The following PAX2 variants were observed in gnomAD, a reference collection of about 807,000 sequenced individuals.
The protein encoded by PAX2 is paired box 2.
Under a neutral mutation model 41.7 loss-of-function variants are expected in PAX2, and 9 were observed. The ratio of observed to expected loss-of-function variants is 0.22; its 90% CI spans 0.13 to 0.38. The LOEUF is 0.38. PAX2 is among the 10% of genes least tolerant of loss of function. PAX2 has a pLI of 1.00. For missense variants in PAX2, 418 were observed against 531.6 expected (o/e 0.79, Z 2.10); for synonymous variants, 221 against 212.7 (o/e 1.04, Z -0.34).
intron 5 of PAX2, among the ~76,000 whole-genome samples, chr10:100,782,784 G>A (rs1388902588): frequency 6.6e-6 from 1 of 152,276 alleles, no homozygotes; most frequent in Non-Finnish European, 1.5e-5. Context: ...TGATGGGCAG[G>A]GGGAGGTTGT....
At position 100,750,679 on chromosome 10, in the gene PAX2, G is replaced by GCTTTCCC; in HGVS notation, c.213-14_213-8dup. 1 of 1,613,352 alleles carries GCTTTCCC rather than the reference G, an allele frequency of 6.2e-7. No homozygotes were observed. Among genetic ancestry groups the GCTTTCCC allele is most frequent in the Non-Finnish European group, 8.5e-7 (1 of 1,179,436 alleles). ...AGTCCGCTTCTGGCTGACCCCGCCGGCTTTCCCGGCGCAGGTACTACGAGA... is the reference window on the plus strand; with the variant it reads ...AGTCCGCTTCTGGCTGACCCCGCCGGCTTTCCCCTTTCCCGGCGCAGGTACTACGAGA... On this transcript the variant is annotated splice_polypyrimidine_tract_variant and intron_variant, in intron 2 of 9. Coordinates refer to ENST00000355243, the MANE Select transcript of PAX2 (RefSeq NM_000278.5). This position sits in a 1 kb window ranked among gnomAD's most constrained non-coding sequence, Gnocchi z 4.1.
intron 1 of PAX2, 40 bp from the exon 2 acceptor site, chr10:100,749,706 T>A: frequency 6.3e-7 from 1 of 1,594,270 alleles, no homozygotes; most frequent in Non-Finnish European, 8.6e-7. Context: ...CGGTCCCTGC[T>A]GTGTGTGGGG....
intron 6 of PAX2, among the ~76,000 whole-genome samples, chr10:100,806,836 T>C (rs1402771223): frequency 6.6e-6 from 1 of 152,196 alleles, no homozygotes; most frequent in Non-Finnish European, 1.5e-5. Context: ...TGCAAGAGTA[T>C]GGCCTTGGGT....
chr10:100,827,743 C>T lies in PAX2; in HGVS notation c.*124C>T, dbSNP rs541598241. The T allele has an allele frequency of 1.2e-5, 19 of 1,529,522 alleles. No individual in the cohort carries two copies. In the East Asian group the frequency reaches 4.3e-4, roughly 35 times the overall value. 94.7% of individuals were successfully genotyped at this position (1,529,522 alleles called of 1,614,324 possible). A position where few individuals can be genotyped will look rare whatever the true frequency, so the allele number is the denominator to read the frequency against. ...CGATGCCTCCCGGCCACCGCCCCAGCCTCACCCCATCCCACGACCCCCGCA... is the reference window on the plus strand; with the variant it reads ...CGATGCCTCCCGGCCACCGCCCCAGTCTCACCCCATCCCACGACCCCCGCA... On this transcript the variant is annotated 3_prime_UTR_variant, in exon 10 of 10. Transcript: ENST00000355243. The surrounding 1 kb of genome is among the most constrained non-coding windows in gnomAD (Gnocchi z 8.5).
At chr10:100,745,520 G>A (rs1845120120), upstream of PAX2, among the ~76,000 whole-genome samples, 1 of 152,170 alleles carries the variant, frequency 6.6e-6, no homozygotes, top group East Asian at 1.9e-4. Context: ...GCGGGGAGGG[G>A]GAGGAGGTCT....
intron 3 of PAX2, 123 bp from the exon 4 acceptor site, chr10:100,779,375 G>A: frequency 1.2e-6 from 1 of 834,256 alleles, no homozygotes; most frequent in Non-Finnish European, 2.0e-6. Context: ...AGGGACACAG[G>A]GAGCAGATGG....
intron 3 of PAX2, among the ~76,000 whole-genome samples, chr10:100,762,873 A>G (rs1180043441): frequency 1.3e-5 from 2 of 152,216 alleles, no homozygotes; most frequent in Non-Finnish European, 2.9e-5. Flanking sequence ...CAGAGGGTGG[A>G]TTGGTCGCAC....
At chr10:100,752,347 G>A (rs1468948783) in intron 3 of PAX2, among the ~76,000 whole-genome samples, 2 of 152,240 alleles carry the variant, frequency 1.3e-5, no homozygotes, top group African/African-American at 2.4e-5. Flanking sequence ...GGAGAAAGAC[G>A]CTGGGTGGTT....
intron 7 of PAX2, among the ~76,000 whole-genome samples, chr10:100,815,590 G>A (rs1848159855): frequency 6.6e-6 from 1 of 152,148 alleles, no homozygotes; most frequent in African/African-American, 2.4e-5. Flanking sequence ...TAATTATGGG[G>A]GCATTTCCAT....
chr10:100,779,863 G>C lies in PAX2; in HGVS notation c.496+280G>C, dbSNP rs532486518. ...CTCTCTCTTAAGTGTTTTTCTTCTAGCATTTCTTCTTCTTTTTCTTCTTCT... is the reference window on the plus strand; with the variant it reads ...CTCTCTCTTAAGTGTTTTTCTTCTACCATTTCTTCTTCTTTTTCTTCTTCT... On this transcript the variant is annotated intron_variant, in intron 4 of 9. Transcript: ENST00000355243. Among the ~76,000 whole-genome samples the C allele has an allele frequency of 3.3e-5, 5 of 151,726 alleles. No homozygotes were observed. The South Asian group carries it at 1.0e-3, about 32-fold the overall frequency.
intron 5 of PAX2, among the ~76,000 whole-genome samples, chr10:100,789,404 C>G (rs972570881): frequency 6.6e-6 from 1 of 152,178 alleles, no homozygotes; most frequent in Non-Finnish European, 1.5e-5. Context: ...CTGTGCCCAG[C>G]CTGAGTTTGT....
intron 3 of PAX2, among the ~76,000 whole-genome samples, chr10:100,759,356 G>A (rs1452017939): frequency 1.3e-5 from 2 of 152,228 alleles, no homozygotes; most frequent in African/African-American, 2.4e-5. Context: ...CCCTTTCTGA[G>A]AGGAAACCTC....
chr10:100,816,382 A>G (rs980378946), intron 7 of PAX2, among the ~76,000 whole-genome samples: 2 of 152,272 alleles, frequency 1.3e-5, no homozygotes, highest in Non-Finnish European at 2.9e-5. Flanking sequence ...GAGATCTCCC[A>G]GCACTAAGCT....
At chr10:100,735,812 C>A in intron 1 of PAX2, 2 of 904,094 alleles carry the variant, frequency 2.2e-6, no homozygotes, top group Non-Finnish European at 2.7e-6. Flanking sequence ...CCGGGGCGGG[C>A]TCCTCTCCTC....
chr10:100,735,601 C>A, exon 1 of PAX2: 1 of 939,194 alleles, frequency 1.1e-6, no homozygotes, highest in South Asian at 5.0e-5. Flanking sequence ...TGGCTGCGCC[C>A]AGATCTCCGG....
At chr10:100,775,375 G>A (rs1165566650) in intron 3 of PAX2, among the ~76,000 whole-genome samples, 1 of 152,178 alleles carries the variant, frequency 6.6e-6, no homozygotes, top group East Asian at 1.9e-4. Flanking sequence ...GACAATGGAT[G>A]ACCATCAGAT....
chr10:100,826,545 G>T lies in PAX2; in HGVS notation c.1022-464G>T, dbSNP rs908968164. On this transcript the variant is annotated intron_variant, in intron 8 of 9. Transcript: ENST00000355243. The surrounding 1 kb of genome is among the most constrained non-coding windows in gnomAD (Gnocchi z 5.5). ...ACCTCTTGTGTTGGCACTGCACATT[G>T]ATGCCATTCTTAGGACTTTCTGGGA... Among the ~76,000 whole-genome samples the T allele has an allele frequency of 5.3e-5, 8 of 152,212 alleles. No homozygotes were observed. Among genetic ancestry groups the T allele is most frequent in the Admixed American group, 2.0e-4 (3 of 15,290 alleles).
chr10:100,741,475 G>A (rs1360570433), upstream of PAX2, among the ~76,000 whole-genome samples: 1 of 151,440 alleles, frequency 6.6e-6, no homozygotes, highest in East Asian at 1.9e-4. Flanking sequence ...GGAAGGGCGG[G>A]GAGAGAATGG....
rs763360528 is a variant in PAX2, at chr10:100,824,803, GTGAGCTGC to G, written c.1021+58_1021+65del. 1 of 1,496,916 alleles carries G rather than the reference GTGAGCTGC, an allele frequency of 6.7e-7. No individual in the cohort carries two copies. The highest frequency in any genetic ancestry group is 1.1e-5 in the South Asian group (1 of 88,768). The allele number at this position is 1,496,916 out of a possible 1,614,324, so 92.7% of individuals were successfully genotyped here. A position where few individuals can be genotyped will look rare whatever the true frequency, so the allele number is the denominator to read the frequency against. On this transcript the variant is annotated intron_variant, in intron 8 of 9. Transcript: ENST00000355243. This position sits in a 1 kb window ranked among gnomAD's most constrained non-coding sequence, Gnocchi z 6.6. ...CTAGGTGGGGGGAACTAAATTGTGGGTGAGCTGCTGAATGGTCTGTAGTCTGAGGCTGG... is the reference window on the plus strand; with the variant it reads ...CTAGGTGGGGGGAACTAAATTGTGGGTGAATGGTCTGTAGTCTGAGGCTGG...
Sources: allele counts gnomAD v4.1 joint callset (sites outside exome capture counted in the v4.1 genomes callset), GRCh38; gene constraint gnomAD v4.1.1; non-coding constraint Gnocchi (gnomAD v3.1); transcripts MANE v1.5; gene names NCBI Gene and HGNC (gene_info 2026-07-23, HGNC 2026-07-21).